ROBO1: variants seen among roughly 807,000 people sequenced by gnomAD.
ROBO1 encodes roundabout homolog 1.
ROBO1 carries 149 observed loss-of-function variants against 195.9 expected under a neutral mutation model. The ratio of observed to expected loss-of-function variants is 0.76; its 90% CI spans 0.67 to 0.87. ROBO1 has a LOEUF of 0.87. Ranked by LOEUF, ROBO1 falls within the 40% of genes least tolerant of loss-of-function variation. ROBO1 has a pLI of 0.00. For missense variants in ROBO1, 1,933 were observed against 2,068.3 expected (o/e 0.93, Z 1.27); for synonymous variants, 816 against 733.2 (o/e 1.11, Z -1.82).
intron 2 of ROBO1, among the ~76,000 whole-genome samples, chr3:79,350,979 A>C (rs1422326765): frequency 6.6e-6 from 1 of 152,062 alleles, no homozygotes; most frequent in Non-Finnish European, 1.5e-5. Context: ...ACAGTTATGC[A>C]CTGCTGCACC....
chr3:79,701,123 A>C (rs7432232), intron 1 of ROBO1, among the ~76,000 whole-genome samples: 96,441 of 151,498 alleles, frequency 0.64, 30,880 homozygotes, highest in South Asian at 0.71. Context: ...TGTTGAAAAT[A>C]AGATGACTGT....
At chr3:79,056,313 T>G (rs955966347) in intron 3 of ROBO1, among the ~76,000 whole-genome samples, 12 of 151,998 alleles carry the variant, frequency 7.9e-5, no homozygotes, top group Admixed American at 3.3e-4. Context: ...GAGCCCAATT[T>G]CCCCAGGCCT....
At chr3:78,651,386 A>C (rs1481187065) in intron 19 of ROBO1, among the ~76,000 whole-genome samples, 2 of 152,184 alleles carry the variant, frequency 1.3e-5, no homozygotes, top group East Asian at 3.9e-4. Flanking sequence ...TTGCGTTTAT[A>C]ATTCCAATAA....
chr3:79,653,462 T>C (rs1946072658), intron 1 of ROBO1, among the ~76,000 whole-genome samples: 1 of 151,986 alleles, frequency 6.6e-6, no homozygotes, highest in South Asian at 2.1e-4. Context: ...GTATTTTATG[T>C]CAGGGGATTT....
chr3:79,643,343 G>T (rs546319760), intron 1 of ROBO1, among the ~76,000 whole-genome samples: 4 of 152,232 alleles, frequency 2.6e-5, no homozygotes, highest in Non-Finnish European at 5.9e-5. Flanking sequence ...TCAGCTTGCA[G>T]ATGGCCTATT....
intron 2 of ROBO1, among the ~76,000 whole-genome samples, chr3:79,294,036 C>T (rs1206029653): frequency 2.0e-4 from 21 of 106,236 alleles, no homozygotes; most frequent in East Asian, 8.7e-4. Flanking sequence ...CCAGCCTGGG[C>T]GACAGAGCGA....
intron 3 of ROBO1, among the ~76,000 whole-genome samples, chr3:79,050,047 T>C (rs141545103): frequency 9.7e-4 from 148 of 152,184 alleles, no homozygotes; most frequent in Non-Finnish European, 1.6e-3. Flanking sequence ...CATAACAATA[T>C]TAACCTTAAA....
intron 1 of ROBO1, among the ~76,000 whole-genome samples, chr3:79,643,167 G>GA (rs1945716845): frequency 6.6e-6 from 1 of 152,110 alleles, no homozygotes. Flanking sequence ...TCTCATATGG[G>GA]ATGCTTCCTG....
chr3:79,095,596 A>ACTTAG (rs1256212794), intron 3 of ROBO1, among the ~76,000 whole-genome samples: 6 of 152,052 alleles, frequency 3.9e-5, no homozygotes, highest in Non-Finnish European at 8.8e-5. Context: ...CCATCTTGCT[A>ACTTAG]AGTTACTCCT....
At chr3:79,540,741 C>T (rs143362829) in intron 2 of ROBO1, among the ~76,000 whole-genome samples, 3 of 152,100 alleles carry the variant, frequency 2.0e-5, no homozygotes, top group East Asian at 3.8e-4. Flanking sequence ...GTTCCCACAA[C>T]ATTTTGAAGT....
At chr3:79,064,225 C>T (rs1049793356) in intron 3 of ROBO1, among the ~76,000 whole-genome samples, 1 of 151,820 alleles carries the variant, frequency 6.6e-6, no homozygotes, top group Non-Finnish European at 1.5e-5. Context: ...TTATTATATG[C>T]CAATTGTACA....
intron 2 of ROBO1, among the ~76,000 whole-genome samples, chr3:79,290,043 TTTTTTC>T (rs1559793811): frequency 6.6e-6 from 1 of 152,050 alleles, no homozygotes; most frequent in Non-Finnish European, 1.5e-5. Flanking sequence ...TTTCCTTTTC[TTTTTTC>T]TTTTTTTGAG....
intron 1 of ROBO1, among the ~76,000 whole-genome samples, chr3:79,663,286 C>T: frequency 1.3e-5 from 2 of 151,868 alleles, no homozygotes; most frequent in East Asian, 3.9e-4. Context: ...CAAAAAAATG[C>T]AATGGTATAA....
At chr3:79,008,998 T>C (rs1426883167) in intron 3 of ROBO1, among the ~76,000 whole-genome samples, 1 of 150,936 alleles carries the variant, frequency 6.6e-6, no homozygotes. Context: ...TGGAGTGCAA[T>C]GGCACGATCT....
At position 79,649,492 on chromosome 3, in the gene ROBO1, A is replaced by G. The variant is rs111805397; in HGVS notation, c.-50-59531T>C. Among the ~76,000 whole-genome samples, 1,001 of 152,230 alleles carry G rather than the reference A, an allele frequency of 6.6e-3. 10 individuals carry two copies. Among genetic ancestry groups the G allele is most frequent in the African/African-American group, 0.023 (942 of 41,562 alleles). ...AATTAGCCCAAAATATCCATATTCC[A>G]GAATTTCAGATGCAAACATTTAAAC... On this transcript the variant is annotated intron_variant, in intron 1 of 30. Transcript: ENST00000464233.
At chr3:79,196,827 T>C (rs543456996) in intron 2 of ROBO1, among the ~76,000 whole-genome samples, 1 of 151,888 alleles carries the variant, frequency 6.6e-6, no homozygotes, top group South Asian at 2.1e-4. Flanking sequence ...TATTCAAATA[T>C]GTGATATCTG....
intron 22 of ROBO1, 56 bp downstream of exon 22, chr3:78,639,685 ATCT>A: frequency 6.8e-7 from 1 of 1,469,188 alleles, no homozygotes; most frequent in Non-Finnish European, 9.2e-7. Context: ...GAAAGAAAAG[ATCT>A]TCTGGCTAGT....
intron 10 of ROBO1, among the ~76,000 whole-genome samples, chr3:78,673,627 G>T (rs1431799938): frequency 1.7e-5 from 2 of 116,336 alleles, no homozygotes; most frequent in Non-Finnish European, 3.5e-5. Context: ...TTACAGCAGG[G>T]TTATAAAAGT....
intron 2 of ROBO1, among the ~76,000 whole-genome samples, chr3:79,299,846 T>TA (rs201006013): frequency 0.025 from 3,228 of 131,666 alleles, 90 homozygotes; most frequent in African/African-American, 0.073. Context: ...CAAGAAACAC[T>TA]AAAAAAAAAA....
Sources: allele counts gnomAD v4.1 joint callset (sites outside exome capture counted in the v4.1 genomes callset), GRCh38; gene constraint gnomAD v4.1.1; transcripts MANE v1.5; gene names NCBI Gene and HGNC (gene_info 2026-07-23, HGNC 2026-07-21).